FBXO16: variants seen among roughly 807,000 people sequenced by gnomAD.
FBXO16 encodes F-box protein 16, also known as F-box only protein 16.
A neutral mutation model predicts 41.0 loss-of-function variants in FBXO16; 31 were observed. The ratio of observed to expected loss-of-function variants is 0.76; its 90% CI spans 0.57 to 1.02. The LOEUF is 1.02. FBXO16 is among the 50% of genes least tolerant of loss of function. The probability of loss-of-function intolerance (pLI) is 0.00; values close to 1 mark genes in which losing one functional copy is unlikely to be tolerated. For synonymous variants in FBXO16, 133 were observed against 117.8 expected (o/e 1.13, Z -0.84); for missense variants, 361 against 346.2 (o/e 1.04, Z -0.34).
intron 3 of FBXO16, 125 bp downstream of exon 3, chr8:28,473,647 C>T: frequency 4.8e-6 from 4 of 826,816 alleles, no homozygotes; most frequent in Admixed American, 2.7e-5. Context: ...TTTTTTCTTT[C>T]TATCCAAGTT....
intron 2 of FBXO16, among the ~76,000 whole-genome samples, chr8:28,477,409 T>C (rs943931365): frequency 3.3e-5 from 5 of 152,172 alleles, no homozygotes; most frequent in Admixed American, 2.0e-4. Context: ...TTTCACACAG[T>C]TAGAATGTTA....
intron 5 of FBXO16, among the ~76,000 whole-genome samples, chr8:28,453,261 A>G (rs1802985310): frequency 6.7e-6 from 1 of 149,362 alleles, no homozygotes; most frequent in South Asian, 2.1e-4. Context: ...AAGCCCACAC[A>G]TAAGACCTCC....
chr8:28,458,330 A>T (rs1335212443), intron 4 of FBXO16, among the ~76,000 whole-genome samples: 2 of 152,184 alleles, frequency 1.3e-5, no homozygotes. Flanking sequence ...AGGAAAGGTT[A>T]GGGAAGGAGG....
intron 7 of FBXO16, among the ~76,000 whole-genome samples, chr8:28,441,948 T>TA (rs1241990516): frequency 0.034 from 2,309 of 68,606 alleles, 9 homozygotes; most frequent in Non-Finnish European, 0.043. Context: ...GTGTGTGTAT[T>TA]TTTTTTTTTT....
At chr8:28,482,226 C>G (rs1482947920) in intron 2 of FBXO16, among the ~76,000 whole-genome samples, 15 of 152,178 alleles carry the variant, frequency 9.9e-5, no homozygotes, top group Admixed American at 9.8e-4. Context: ...AAAATCAAAT[C>G]CCAGACTGGA....
chr8:28,467,887 G>T (rs1381376485), intron 3 of FBXO16, among the ~76,000 whole-genome samples: 4 of 152,050 alleles, frequency 2.6e-5, no homozygotes, highest in African/African-American at 4.8e-5. Context: ...TTTGATAGGT[G>T]TTCTTTGCCT....
At chr8:28,458,414 CG>C (rs1279432409) in intron 4 of FBXO16, among the ~76,000 whole-genome samples, 1 of 151,870 alleles carries the variant, frequency 6.6e-6, no homozygotes, top group Non-Finnish European at 1.5e-5. Context: ...GACCCAGAAA[CG>C]AAACAACACC....
chr8:28,433,986 A>C (rs1802650502), intron 7 of FBXO16, among the ~76,000 whole-genome samples: 1 of 129,166 alleles, frequency 7.7e-6, no homozygotes, highest in East Asian at 2.1e-4. Context: ...TTTGAGATAG[A>C]GTCTCACTCT....
At chr8:28,432,316 A>C (rs1366359301) in intron 7 of FBXO16, among the ~76,000 whole-genome samples, 1 of 152,020 alleles carries the variant, frequency 6.6e-6, no homozygotes, top group Non-Finnish European at 1.5e-5. Context: ...CCTACTAAAA[A>C]TACAAAAATT....
chr8:28,458,038 G>C (rs1224453325), intron 4 of FBXO16, among the ~76,000 whole-genome samples: 1 of 152,188 alleles, frequency 6.6e-6, no homozygotes, highest in Non-Finnish European at 1.5e-5. Flanking sequence ...AGTTGTAAGA[G>C]TTGCAAAGAT....
At chr8:28,468,814 C>T (rs565804260) in intron 3 of FBXO16, among the ~76,000 whole-genome samples, 3 of 151,352 alleles carry the variant, frequency 2.0e-5, no homozygotes, top group South Asian at 4.2e-4. Flanking sequence ...CGCCACTGCA[C>T]TCAAGCCTTA....
chr8:28,431,578 C>T (rs1051539298), intron 7 of FBXO16, among the ~76,000 whole-genome samples: 2 of 152,094 alleles, frequency 1.3e-5, no homozygotes, highest in Non-Finnish European at 2.9e-5. Context: ...GTGAATCCAC[C>T]CCCACCTTCT....
intron 7 of FBXO16, among the ~76,000 whole-genome samples, chr8:28,432,453 A>G (rs1427089770): frequency 6.6e-6 from 1 of 151,664 alleles, no homozygotes; most frequent in Non-Finnish European, 1.5e-5. Flanking sequence ...CAGCCTGGGC[A>G]ATGGAGTGAG....
intron 6 of FBXO16, among the ~76,000 whole-genome samples, chr8:28,447,830 T>A (rs753657274): frequency 4.6e-5 from 7 of 152,154 alleles, no homozygotes; most frequent in African/African-American, 1.7e-4. Context: ...GGCACACACC[T>A]GTAGTCCCAG....
intron 4 of FBXO16, among the ~76,000 whole-genome samples, 167 bp downstream of exon 4, chr8:28,463,445 T>C (rs1585909619): frequency 1.3e-5 from 2 of 152,176 alleles, no homozygotes; most frequent in South Asian, 4.1e-4. Flanking sequence ...TGTATGTGTG[T>C]GTTTATGAGT....
chr8:28,429,699 T>C (rs1258616073), intron 7 of FBXO16, among the ~76,000 whole-genome samples: 1 of 152,138 alleles, frequency 6.6e-6, no homozygotes, highest in Non-Finnish European at 1.5e-5. Flanking sequence ...TACACAGGGT[T>C]TCTGTAAGTC....
chr8:28,458,409 A>G (rs1803070588), intron 4 of FBXO16, among the ~76,000 whole-genome samples: 1 of 152,046 alleles, frequency 6.6e-6, no homozygotes, highest in South Asian at 2.1e-4. Flanking sequence ...TGTTTGACCC[A>G]GAAACGAAAC....
rs182863319 is a variant in FBXO16 at position 28,449,296 on chromosome 8, G to A, written c.741-2023C>T. 3.0e-3 allele frequency among the ~76,000 whole-genome samples: 453 copies of A among 149,088 alleles called. 3 individuals are homozygous for A. The highest frequency in any genetic ancestry group is 0.01 in the African/African-American group (420 of 40,542). On this transcript the variant is annotated intron_variant, in intron 6 of 8. Coordinates refer to ENST00000380254, the MANE Select transcript of FBXO16 (RefSeq NM_172366.4). The stretch of plus-strand genomic sequence containing the variant: ...AAAATGCTGAAGTGACATGTAGATC[G>A]AATGCAATATGTAGACTTCTTTTTT...
In FBXO16 at chr8:28,452,297, G is replaced by A. The variant is rs781425326; in HGVS notation, c.687C>T (p.Ile229=). 1.2e-6 allele frequency: 2 copies of A among 1,614,072 alleles called. No individual in the cohort carries two copies. Among genetic ancestry groups the A allele is most frequent in the Non-Finnish European group, 1.7e-6 (2 of 1,180,038 alleles). ...WRSSDKHPTD[I]IRFNYLDNRD... is the part of the protein sequence containing the mutation. ...GGTTGTCTAGGTAATTAAAACGAAT[G>A]ATATCTGTTGGGTGCTTATCAGAAG... The change falls in exon 6 of 9, where the codon ATC becomes ATT. Residue 229 remains isoleucine (I), a synonymous_variant. Transcript: ENST00000380254.
Sources: gnomAD v4.1 joint callset for allele counts (sites outside exome capture counted in the v4.1 genomes callset) on GRCh38, gnomAD v4.1.1 for gene constraint, MANE v1.5 for transcripts, NCBI Gene and HGNC (gene_info 2026-07-23, HGNC 2026-07-21) for gene names.